The following PHACTR1 variants were observed in gnomAD, a reference collection of about 807,000 sequenced individuals.
The protein encoded by PHACTR1 is phosphatase and actin regulator 1.
Under a neutral mutation model 69.2 loss-of-function variants are expected in PHACTR1, and 16 were observed. The ratio of observed to expected loss-of-function variants is 0.23; its 90% CI spans 0.16 to 0.35. PHACTR1 has a LOEUF of 0.35. Ranked by LOEUF, PHACTR1 falls within the 10% of genes least tolerant of loss-of-function variation. The probability of loss-of-function intolerance (pLI) is 1.00; values close to 1 mark genes in which losing one functional copy is unlikely to be tolerated. For missense variants in PHACTR1, 510 were observed against 734.7 expected, an observed-to-expected ratio of 0.69 and a Z score of 3.54; for synonymous variants, 312 against 284.5, an observed-to-expected ratio of 1.10 and a Z score of -0.97.
chr6:12,950,288 A>G (rs112239423), intron 4 of PHACTR1, among the ~76,000 whole-genome samples: 5,835 of 152,294 alleles, frequency 0.038, 159 homozygotes, highest in Non-Finnish European at 0.057. Context: ...CTGTCATCTG[A>G]AGGCTTCAAA....
chr6:13,272,837 C>T (rs771010525), intron 10 of PHACTR1, 23 bp from the exon 11 acceptor site: 4 of 1,614,068 alleles, frequency 2.5e-6, no homozygotes, highest in Non-Finnish European at 3.4e-6. Flanking sequence ...GGTCCAAAAA[C>T]TTTTCCTGGA....
intron 5 of PHACTR1, among the ~76,000 whole-genome samples, chr6:13,093,897 G>A (rs1321390482): frequency 6.6e-6 from 1 of 152,154 alleles, no homozygotes. Context: ...TTTGAGACAG[G>A]GTTTTGCTCT....
chr6:13,123,577 A>T (rs1016878807), intron 5 of PHACTR1, among the ~76,000 whole-genome samples: 4 of 152,198 alleles, frequency 2.6e-5, no homozygotes, highest in African/African-American at 9.6e-5. Flanking sequence ...CCTCCATGAA[A>T]TTAGAAGCTA....
At chr6:12,811,893 A>G (rs1471644572) in intron 4 of PHACTR1, among the ~76,000 whole-genome samples, 1 of 152,180 alleles carries the variant, frequency 6.6e-6, no homozygotes, top group Non-Finnish European at 1.5e-5. Flanking sequence ...AGATTTCATT[A>G]AGGATGTCAA....
intron 13 of PHACTR1, among the ~76,000 whole-genome samples, chr6:13,284,640 T>C (rs1456749728): frequency 6.9e-6 from 1 of 145,908 alleles, no homozygotes; most frequent in Non-Finnish European, 1.5e-5. Flanking sequence ...CGATAGAAAC[T>C]ATGGAGTGTG....
At chr6:12,971,946 C>CTATG (rs1794263258) in intron 4 of PHACTR1, among the ~76,000 whole-genome samples, 1 of 152,164 alleles carries the variant, frequency 6.6e-6, no homozygotes, top group South Asian at 2.1e-4. Flanking sequence ...ACAGCCCCTG[C>CTATG]TATGTAAGGT....
intron 12 of PHACTR1, among the ~76,000 whole-genome samples, chr6:13,281,865 T>C (rs1272113941): frequency 6.6e-6 from 1 of 152,188 alleles, no homozygotes; most frequent in Non-Finnish European, 1.5e-5. Context: ...TTGTCGTGCC[T>C]AAGAAAGCCA....
At chr6:12,944,954 T>G (rs1790510384) in intron 4 of PHACTR1, among the ~76,000 whole-genome samples, 1 of 151,956 alleles carries the variant, frequency 6.6e-6, no homozygotes, top group Admixed American at 6.6e-5. Context: ...GGCTAATTTT[T>G]TGTATTTTTA....
chr6:12,817,246 G>A (rs531687474), intron 4 of PHACTR1, among the ~76,000 whole-genome samples: 11 of 152,252 alleles, frequency 7.2e-5, no homozygotes, highest in African/African-American at 2.2e-4. Context: ...AGTGATAGAA[G>A]GTCAAATTAT....
chr6:12,924,088 T>C (rs1788001606), intron 4 of PHACTR1, among the ~76,000 whole-genome samples: 1 of 152,208 alleles, frequency 6.6e-6, no homozygotes, highest in Admixed American at 6.5e-5. Context: ...GTTGCTGTTG[T>C]ATTGGGGTAA....
intron 4 of PHACTR1, among the ~76,000 whole-genome samples, chr6:12,957,167 T>C (rs1208749019): frequency 6.8e-6 from 1 of 147,678 alleles, no homozygotes; most frequent in African/African-American, 2.5e-5. Flanking sequence ...AATTATATAA[T>C]GGAACTGCCC....
chr6:12,877,582 A>T (rs1243595954), intron 4 of PHACTR1, among the ~76,000 whole-genome samples: 1 of 151,954 alleles, frequency 6.6e-6, no homozygotes, highest in African/African-American at 2.4e-5. Flanking sequence ...TTCCACCCCC[A>T]TCATCCTGCC....
chr6:13,230,142 C>T lies in PHACTR1; in HGVS notation c.1340C>T (p.Thr447Met), dbSNP rs1770588740. The T allele has an allele frequency of 2.5e-6, 4 of 1,611,670 alleles. No individual in the cohort carries two copies. Among genetic ancestry groups the T allele is most frequent in the African/African-American group, 1.3e-5 (1 of 74,894 alleles). ...GAAAAGAACATCCTTCCCAGGCAGA[C>T]GGATGAGGAGCGGCTGGAGCTGAGG... ...LEEKNILPRQ[T>M]DEERLELRQQ... The change falls in exon 10 of 15, where the codon ACG becomes ATG. Residue 447 changes from threonine (T) to methionine (M), a missense_variant. Coordinates refer to ENST00000332995, the MANE Select transcript of PHACTR1 (RefSeq NM_030948.6).
At chr6:13,099,363 T>C (rs1289391452) in intron 5 of PHACTR1, among the ~76,000 whole-genome samples, 1 of 152,240 alleles carries the variant, frequency 6.6e-6, no homozygotes, top group Non-Finnish European at 1.5e-5. Flanking sequence ...TACACATTCC[T>C]GGCATGTGGT....
chr6:13,184,897 G>T (rs1401759310), intron 7 of PHACTR1: 1 of 1,366,452 alleles, frequency 7.3e-7, no homozygotes, highest in East Asian at 4.5e-5. Flanking sequence ...AAAACCTGCT[G>T]CTTTCCCTGG....
intron 5 of PHACTR1, among the ~76,000 whole-genome samples, chr6:13,117,891 C>T (rs35902472): frequency 0.26 from 39,332 of 152,034 alleles, 5,286 homozygotes; most frequent in South Asian, 0.46. Context: ...ATGCAACAGA[C>T]GTCTCACATA....
At chr6:13,155,096 T>C (rs1757976123) in intron 5 of PHACTR1, among the ~76,000 whole-genome samples, 1 of 152,334 alleles carries the variant, frequency 6.6e-6, no homozygotes, top group East Asian at 1.9e-4. Flanking sequence ...CAACTTCATC[T>C]TGGATGCTAA....
In PHACTR1 at chr6:13,286,196, T is replaced by A. The variant is rs1350453908; in HGVS notation, c.1701T>A (p.Val567=). The A allele has an allele frequency of 6.2e-7, 1 of 1,606,048 alleles. No individual in the cohort carries two copies. The highest frequency in any genetic ancestry group is 1.7e-5 in the Admixed American group (1 of 58,720). ...AATTCAAAAGCACTGAGATGGAAGTTCATGAATTGAGTAGACACTTAACAA... is the reference window on the plus strand; with the variant it reads ...AATTCAAAAGCACTGAGATGGAAGTACATGAATTGAGTAGACACTTAACAA... ...LNEFKSTEME[V]HELSRHLTRF... The change falls in exon 14 of 15, where the codon GTT becomes GTA. Residue 567 remains valine (V), a synonymous_variant. Transcript: ENST00000332995.
At chr6:13,266,677 T>A (rs1024281532) in intron 10 of PHACTR1, 4 of 152,392 alleles carry the variant, frequency 2.6e-5, no homozygotes, top group Non-Finnish European at 2.9e-5. Context: ...GAGTCTCACA[T>A]TGGAGGAGCA....
Sources: allele counts gnomAD v4.1 joint callset (sites outside exome capture counted in the v4.1 genomes callset), GRCh38; gene constraint gnomAD v4.1.1; transcripts MANE v1.5; gene names NCBI Gene and HGNC (gene_info 2026-07-23, HGNC 2026-07-21).